KIT: variants seen among roughly 807,000 people sequenced by gnomAD.
KIT encodes the protein mast/stem cell growth factor receptor Kit.
A neutral mutation model predicts 105.7 loss-of-function variants in KIT; 16 were observed. The observed-to-expected ratio is 0.15, with a 90% CI of 0.10 to 0.23. KIT has a LOEUF of 0.23. Ranked by LOEUF, KIT falls within the 10% of genes least tolerant of loss-of-function variation. KIT has a pLI of 1.00. For synonymous variants in KIT, 438 were observed against 441.1 expected, an observed-to-expected ratio of 0.99 and a Z score of 0.09; for missense variants, 858 against 1,213.8, an observed-to-expected ratio of 0.71 and a Z score of 4.36.
chr4:54,727,904 C>T lies in KIT; in HGVS notation c.1856C>T (p.Thr619Ile), dbSNP rs1294929758. ...YGLIKSDAAM[T>I]VAVKMLKPSA... ...TTAATTAAGTCAGATGCGGCCATGACTGTCGCTGTAAAGATGCTCAAGCGT... is the reference window on the plus strand; with the variant it reads ...TTAATTAAGTCAGATGCGGCCATGATTGTCGCTGTAAAGATGCTCAAGCGT... The change falls in exon 12 of 21, where the codon ACT (threonine) becomes ATT (isoleucine). Residue 619 changes from threonine (T) to isoleucine (I), a missense_variant. Thr to Ile is a moderately conservative substitution (Grantham distance 89). This residue lies in a region of KIT where 158 missense variants were observed against 218.7 expected (regional missense o/e 0.72). Transcript: ENST00000288135. The T allele has an allele frequency of 1.2e-6, 2 of 1,614,088 alleles. No individual in the cohort carries two copies. Among genetic ancestry groups the T allele is most frequent in the Non-Finnish European group, 1.7e-6 (2 of 1,179,974 alleles).
At chr4:54,701,811 G>T (rs1720469626) in intron 4 of KIT, among the ~76,000 whole-genome samples, 1 of 152,178 alleles carries the variant, frequency 6.6e-6, no homozygotes, top group Non-Finnish European at 1.5e-5. Context: ...ACTATGAACT[G>T]GGAAAAGCCA....
At chr4:54,737,303 T>G in intron 20 of KIT, 23 bp downstream of exon 20, 1 of 1,456,740 alleles carries the variant, frequency 6.9e-7, no homozygotes, top group Non-Finnish European at 9.6e-7. Flanking sequence ...TGGCCAGGCA[T>G]AGAATCCCCC....
intron 1 of KIT, among the ~76,000 whole-genome samples, chr4:54,669,693 G>A (rs780353821): frequency 1.3e-4 from 18 of 139,686 alleles, no homozygotes; most frequent in Non-Finnish European, 2.5e-4. Context: ...AAAAGTCCAG[G>A]AGTCCAGAAA....
chr4:54,731,783 C>A, intron 15 of KIT, 88 bp from the exon 16 acceptor site: 1 of 1,388,736 alleles, frequency 7.2e-7, no homozygotes, highest in Non-Finnish European at 1.0e-6. Context: ...TCATTCATTA[C>A]CAGCCTTTGG....
At chr4:54,695,488 A>C in intron 1 of KIT, 24 bp from the exon 2 acceptor site, 1 of 1,613,834 alleles carries the variant, frequency 6.2e-7, no homozygotes, top group South Asian at 1.1e-5. Flanking sequence ...ATCATACTCA[A>C]CACGATTCTG....
Position 54,738,833 on chromosome 4 carries a change from TG to T in KIT, c.*281del. 1.7e-6 allele frequency: 1 copy of T among 602,064 alleles called. No individual in the cohort carries two copies. The allele number at this position is 602,064 out of a possible 1,614,324, so 37.3% of individuals were successfully genotyped here. A position where few individuals can be genotyped will look rare whatever the true frequency, so the allele number is the denominator to read the frequency against. Reference sequence around the variant, plus strand: ...TGGAAAAAGAGAGGGAGGTATGGACTGGGGGCCAGAGTCCTTTCCAAGGCTT... The same window carrying T: ...TGGAAAAAGAGAGGGAGGTATGGACTGGGGCCAGAGTCCTTTCCAAGGCTT... On this transcript the variant is annotated 3_prime_UTR_variant, in exon 21 of 21. Coordinates refer to ENST00000288135, the MANE Select transcript of KIT (RefSeq NM_000222.3).
In KIT at chr4:54,740,376, C is replaced by A. The variant is rs1188193789; in HGVS notation, c.*1819C>A. ...GTTGTTAGTTATAGATGTCTAGGTA[C>A]TTCAGGGGCACTTCATTGAGAGTTT... On this transcript the variant is annotated 3_prime_UTR_variant, in exon 21 of 21. Transcript: ENST00000288135. 4.3e-6 allele frequency: 1 copy of A among 233,372 alleles called. No individual in the cohort carries two copies. The highest frequency in any genetic ancestry group is 2.2e-5 in the African/African-American group (1 of 45,330). The allele number at this position is 233,372 out of a possible 1,614,324, so 14.5% of individuals were successfully genotyped here. A position where few individuals can be genotyped will look rare whatever the true frequency, so the allele number is the denominator to read the frequency against.
intron 1 of KIT, among the ~76,000 whole-genome samples, chr4:54,667,831 A>G (rs1262987302): frequency 6.6e-6 from 1 of 152,156 alleles, no homozygotes; most frequent in Non-Finnish European, 1.5e-5. Flanking sequence ...TTTTGCATGT[A>G]TTACCTGTGT....
At chr4:54,733,250 A>T (rs978816808) in intron 17 of KIT, 58 bp downstream of exon 17, 2 of 1,577,784 alleles carry the variant, frequency 1.3e-6, no homozygotes, top group Admixed American at 3.3e-5. Context: ...TCAACTTTCG[A>T]TAAAAATTGT....
chr4:54,714,151 C>G (rs534084621), intron 7 of KIT, among the ~76,000 whole-genome samples: 1 of 152,144 alleles, frequency 6.6e-6, no homozygotes, highest in Non-Finnish European at 1.5e-5. Context: ...TATCCTTCAG[C>G]GAAAATGGTG....
At chr4:54,663,436 C>T (rs1166621879) in intron 1 of KIT, among the ~76,000 whole-genome samples, 1 of 152,130 alleles carries the variant, frequency 6.6e-6, no homozygotes, top group Non-Finnish European at 1.5e-5. Flanking sequence ...GTGGACTCCA[C>T]TATCAGGCTG....
At chr4:54,720,199 T>C (rs1051471696) in intron 7 of KIT, among the ~76,000 whole-genome samples, 13 of 151,960 alleles carry the variant, frequency 8.6e-5, no homozygotes, top group Admixed American at 7.9e-4. Context: ...GGCCCAGGAA[T>C]GTGCATTTAT....
chr4:54,661,413 T>G lies in KIT; in HGVS notation c.67+3332T>G, dbSNP rs114741973. ...GCCCTTCGAAGTTACCCTTAGGGTTTTGACTCATTTCCTCAAGTCTCTTCC... is the reference window on the plus strand; with the variant it reads ...GCCCTTCGAAGTTACCCTTAGGGTTGTGACTCATTTCCTCAAGTCTCTTCC... On this transcript the variant is annotated intron_variant, in intron 1 of 20. Transcript: ENST00000288135. Among the ~76,000 whole-genome samples, 298 of 152,324 alleles carry G rather than the reference T, an allele frequency of 2.0e-3. 1 individual carries two copies. Among genetic ancestry groups the G allele is most frequent in the Non-Finnish European group, 3.4e-3 (234 of 68,034 alleles).
At chr4:54,707,888 A>G (rs1720893193) in intron 6 of KIT, among the ~76,000 whole-genome samples, 1 of 130,392 alleles carries the variant, frequency 7.7e-6, no homozygotes, top group Admixed American at 7.5e-5. Context: ...CCATTTTTAT[A>G]GAAGAGGAGA....
At chr4:54,734,682 C>T (rs975066722) in intron 17 of KIT, among the ~76,000 whole-genome samples, 2 of 152,086 alleles carry the variant, frequency 1.3e-5, no homozygotes, top group African/African-American at 4.8e-5. Context: ...TATATGTTAC[C>T]GCCCCACATT....
chr4:54,715,445 G>C (rs1721426200), intron 7 of KIT, among the ~76,000 whole-genome samples: 1 of 152,024 alleles, frequency 6.6e-6, no homozygotes, highest in Non-Finnish European at 1.5e-5. Flanking sequence ...ATTTCTGCAG[G>C]CTGTAAGAAA....
At chr4:54,694,333 A>G (rs941075197) in intron 1 of KIT, among the ~76,000 whole-genome samples, 5 of 151,948 alleles carry the variant, frequency 3.3e-5, no homozygotes, top group African/African-American at 4.8e-5. Context: ...CCTCATAGCT[A>G]TGTTTTACTT....
intron 1 of KIT, among the ~76,000 whole-genome samples, chr4:54,677,175 AGGACACAT>A (rs1192376155): frequency 6.6e-6 from 1 of 152,050 alleles, no homozygotes. Flanking sequence ...CTTTGTTGTT[AGGACACAT>A]GGGCTGGTTA....
intron 1 of KIT, among the ~76,000 whole-genome samples, chr4:54,660,073 C>T (rs1043637421): frequency 1.3e-5 from 2 of 152,156 alleles, no homozygotes; most frequent in African/African-American, 4.8e-5. Flanking sequence ...CAGAATTCTC[C>T]TCCAATGTTC....
Sources: gnomAD v4.1 joint callset for allele counts (sites outside exome capture counted in the v4.1 genomes callset) on GRCh38, gnomAD v4.1.1 for gene constraint, gnomAD v4.1.1 regional missense constraint, MANE v1.5 for transcripts, NCBI Gene and HGNC (gene_info 2026-07-23, HGNC 2026-07-21) for gene names.